The following NECAP2 variants were observed in gnomAD, a reference collection of about 807,000 sequenced individuals.
NECAP2 encodes the protein adaptin ear-binding coat-associated protein 2.
NECAP2 carries 38 observed loss-of-function variants against 37.8 expected under a neutral mutation model. That is an observed-to-expected ratio of 1.01 (90% CI 0.78 to 1.32). NECAP2 has a LOEUF of 1.32. Ranked by LOEUF, NECAP2 falls within the 40% of genes most tolerant of loss-of-function variation. The pLI is 0.00. For missense variants in NECAP2, 316 were observed against 334.5 expected (o/e 0.94, Z 0.43); for synonymous variants, 121 against 127.7 (o/e 0.95, Z 0.35).
At chr1:16,452,889 C>T (rs891160821) in intron 6 of NECAP2, among the ~76,000 whole-genome samples, 21 of 152,008 alleles carry the variant, frequency 1.4e-4, no homozygotes, top group Non-Finnish European at 2.8e-4. Context: ...AGGAAGCCTT[C>T]CTGCTTTACT....
rs921093538 is a variant in NECAP2 at position 16,448,168 on chromosome 1, C to T, written c.380+27C>T. 3.8e-6 allele frequency: 6 copies of T among 1,583,204 alleles called. No homozygotes were observed. In the East Asian group the frequency reaches 6.7e-5, roughly 18 times the overall value. ...TGAGTGGGTCTGGGAGACACACGCT[C>T]ATGCCCCTCCCTTCTTTCCCTGGAC... On this transcript the variant is annotated intron_variant, in intron 4 of 7. Transcript: ENST00000337132.
intron 1 of NECAP2, 146 bp downstream of exon 1, chr1:16,440,999 C>G (rs1422839408): frequency 6.1e-6 from 4 of 652,552 alleles, no homozygotes; most frequent in African/African-American, 1.8e-5. Context: ...GTTCCAGGCC[C>G]GAGCAGGGAG....
rs1249370401 is a variant in NECAP2 at position 16,449,169 on chromosome 1, A to G, written c.457A>G (p.Lys153Glu). 1.2e-6 allele frequency: 2 copies of G among 1,612,774 alleles called. No homozygotes were observed. The highest frequency in any genetic ancestry group is 2.2e-5 in the East Asian group (1 of 44,874). ...DQGPKLDLGFKEGQTIKLNIA... is the reference protein window; with the variant it reads ...DQGPKLDLGFEEGQTIKLNIA... ...AGGCCCTAAACTGGACCTGGGCTTCAAGGAGGGCCAGACCATCAAGCTCAA... is the reference window on the plus strand; with the variant it reads ...AGGCCCTAAACTGGACCTGGGCTTCGAGGAGGGCCAGACCATCAAGCTCAA... The change falls in exon 5 of 8, where the codon AAG (lysine) becomes GAG (glutamate). Residue 153 changes from lysine (K) to glutamate (E), a missense_variant. This residue lies in a region of NECAP2 where 204 missense variants were observed against 188.6 expected (regional missense o/e 1.08). Transcript: ENST00000337132.
chr1:16,457,553 C>A (rs1313633354), intron 7 of NECAP2, among the ~76,000 whole-genome samples: 1 of 152,142 alleles, frequency 6.6e-6, no homozygotes, highest in Non-Finnish European at 1.5e-5. Context: ...CTTCAGACTG[C>A]AGCGTTGACC....
In NECAP2 at chr1:16,443,811, G is replaced by A. The variant is rs1395274509; in HGVS notation, c.193+79G>A. On this transcript the variant is annotated intron_variant, in intron 2 of 7. Transcript: ENST00000337132. ...GGGAGAGGTGGCCTGGTCTGGCCAGGCTGCTCAGGGGTCATGGGAACCTGT... is the reference window on the plus strand; with the variant it reads ...GGGAGAGGTGGCCTGGTCTGGCCAGACTGCTCAGGGGTCATGGGAACCTGT... The A allele has an allele frequency of 3.5e-6, 4 of 1,130,042 alleles. No homozygotes were observed. In the African/African-American group the frequency reaches 6.0e-5, roughly 17 times the overall value. The allele number at this position is 1,130,042 out of a possible 1,614,324, so 70.0% of individuals were successfully genotyped here.
chr1:16,445,683 C>T (rs189081669), intron 2 of NECAP2, among the ~76,000 whole-genome samples: 247 of 152,302 alleles, frequency 1.6e-3, no homozygotes, highest in South Asian at 3.5e-3. Context: ...ACAGGTGGAT[C>T]GCTTGAGCCC....
intron 6 of NECAP2, among the ~76,000 whole-genome samples, chr1:16,454,644 C>T (rs2086892879): frequency 6.6e-6 from 1 of 152,244 alleles, no homozygotes; most frequent in South Asian, 2.1e-4. Flanking sequence ...GGCTGAGCCA[C>T]TGTGCCCAGC....
intron 5 of NECAP2, chr1:16,449,609 G>A (rs939079501): frequency 1.6e-5 from 3 of 184,836 alleles, no homozygotes; most frequent in Non-Finnish European, 3.4e-5. Flanking sequence ...CTGAGAAGGA[G>A]CATCAGTCAT....
intron 1 of NECAP2, among the ~76,000 whole-genome samples, chr1:16,442,417 T>A (rs978669219): frequency 1.3e-5 from 2 of 152,176 alleles, no homozygotes; most frequent in African/African-American, 4.8e-5. Flanking sequence ...CTCCTTAGCC[T>A]GAATCTCAGG....
intron 1 of NECAP2, 116 bp downstream of exon 1, chr1:16,440,969 T>C (rs938627663): frequency 2.6e-6 from 2 of 782,552 alleles, no homozygotes; most frequent in African/African-American, 3.4e-5. Flanking sequence ...GAGGGGGAGC[T>C]AATGCTGCTG....
chr1:16,442,205 C>T (rs1490477753), intron 1 of NECAP2, among the ~76,000 whole-genome samples: 1 of 151,144 alleles, frequency 6.6e-6, no homozygotes, highest in African/African-American at 2.5e-5. Flanking sequence ...CTCGAACTCC[C>T]TACCTCAGGT....
intron 5 of NECAP2, chr1:16,450,291 T>G (rs374651815): frequency 1.1e-4 from 42 of 374,792 alleles, no homozygotes; most frequent in African/African-American, 6.5e-4. Context: ...TTTTGTTGTT[T>G]TTTTTTTTTA....
intron 5 of NECAP2, chr1:16,449,888 T>C (rs1557688830): frequency 4.2e-6 from 1 of 239,298 alleles, no homozygotes; most frequent in Non-Finnish European, 8.3e-6. Context: ...CTGGGCTGGG[T>C]TGCCTAAAGT....
chr1:16,452,574 G>C (rs1164791393), intron 6 of NECAP2, among the ~76,000 whole-genome samples: 2 of 152,138 alleles, frequency 1.3e-5, no homozygotes, highest in East Asian at 1.9e-4. Context: ...ACAGCATAAG[G>C]TGTGCCAAGG....
chr1:16,450,577 A>T, intron 5 of NECAP2: 1 of 154,838 alleles, frequency 6.5e-6, no homozygotes, highest in South Asian at 2.0e-4. Flanking sequence ...TTTTTTTTTA[A>T]AGCATTTTCT....
chr1:16,443,853 C>A (rs779234904), intron 2 of NECAP2, 121 bp downstream of exon 2: 8 of 723,776 alleles, frequency 1.1e-5, no homozygotes, highest in Non-Finnish European at 2.0e-5. Context: ...AAATCAGAGA[C>A]GTGTGTGTAC....
Position 16,451,927 on chromosome 1 carries a change from G to C in NECAP2, c.579G>C (p.Gly193=), listed in dbSNP as rs1300519290. The C allele has an allele frequency of 6.2e-7, 1 of 1,613,978 alleles. No homozygotes were observed. Among genetic ancestry groups the C allele is most frequent in the South Asian group, 1.1e-5 (1 of 91,082 alleles). Reference sequence around the variant, plus strand: ...TGAGCCTGCTTCCCCCTCCCCCAGGGGGGAAAACCTCCACCCTGATCCCTC... The same window carrying C: ...TGAGCCTGCTTCCCCCTCCCCCAGGCGGGAAAACCTCCACCCTGATCCCTC... ...GGLSLLPPPP[G]GKTSTLIPPP... is the part of the protein sequence containing the mutation. Residue 193 remains glycine (G), a synonymous_variant, in exon 6 of 8, where the codon GGG becomes GGC. Coordinates refer to ENST00000337132, the MANE Select transcript of NECAP2 (RefSeq NM_018090.5).
At chr1:16,441,097 A>C in intron 1 of NECAP2, 2 of 521,172 alleles carry the variant, frequency 3.8e-6, no homozygotes, top group South Asian at 2.7e-5. Context: ...GCGCTTAGGG[A>C]CCCCGGTGGG....
In NECAP2 at chr1:16,448,136, T is replaced by C. The variant is rs2086790038; in HGVS notation, c.375T>C (p.His125=). 6.2e-7 allele frequency: 1 copy of C among 1,613,800 alleles called. No homozygotes were observed. The highest frequency in any genetic ancestry group is 1.1e-5 in the South Asian group (1 of 91,078). Residue 125 remains histidine, a synonymous_variant, in exon 4 of 8, where the codon CAT becomes CAC. Coordinates refer to ENST00000337132, the MANE Select transcript of NECAP2 (RefSeq NM_018090.5). ...ACTTCAATGTTGCATTGCAGGACCA[T>C]TTCAAGTGAGTGGGTCTGGGAGACA... is the stretch of plus-strand genomic sequence containing the variant. ...AFDFNVALQD[H]FKWVKQQCEF... is the part of the protein sequence containing the mutation.
Sources: allele counts gnomAD v4.1 joint callset (sites outside exome capture counted in the v4.1 genomes callset), GRCh38; gene constraint gnomAD v4.1.1; regional missense constraint gnomAD v4.1.1; transcripts MANE v1.5; gene names NCBI Gene and HGNC (gene_info 2026-07-23, HGNC 2026-07-21).